The following RALYL variants were observed in gnomAD, a reference collection of about 807,000 sequenced individuals.
RALYL encodes the protein RALY RNA binding protein like, also known as RNA-binding Raly-like protein.
Under a neutral mutation model 35.1 loss-of-function variants are expected in RALYL, and 29 were observed. The ratio of observed to expected loss-of-function variants is 0.83; its 90% CI spans 0.61 to 1.13. The LOEUF is 1.13. Ranked by LOEUF, RALYL falls within the 50% of genes most tolerant of loss-of-function variation. The probability of loss-of-function intolerance (pLI) is 0.00; values close to 1 mark genes in which losing one functional copy is unlikely to be tolerated. For synonymous variants in RALYL, 120 were observed against 127.6 expected (o/e 0.94, Z 0.40); for missense variants, 359 against 360.4 (o/e 1.00, Z 0.03).
chr8:84,799,578 T>G (rs1274456929), intron 3 of RALYL, among the ~76,000 whole-genome samples: 1 of 152,216 alleles, frequency 6.6e-6, no homozygotes, highest in Non-Finnish European at 1.5e-5. Flanking sequence ...AAGGAGTTCA[T>G]GAGAATGATT....
intron 1 of RALYL, among the ~76,000 whole-genome samples, chr8:84,465,290 C>T (rs1400791717): frequency 4.3e-5 from 5 of 115,906 alleles, no homozygotes; most frequent in African/African-American, 1.7e-4. Context: ...ACGTTTAAGT[C>T]TTTAATCCAT....
intron 2 of RALYL, among the ~76,000 whole-genome samples, chr8:84,572,278 A>C (rs983137137): frequency 2.0e-5 from 3 of 151,466 alleles, no homozygotes; most frequent in Non-Finnish European, 4.4e-5. Context: ...TAAATACTGC[A>C]TTTAGGCCTT....
chr8:84,509,282 C>T (rs2057415702), intron 1 of RALYL, among the ~76,000 whole-genome samples: 1 of 151,902 alleles, frequency 6.6e-6, no homozygotes, highest in Non-Finnish European at 1.5e-5. Context: ...AAATGGGGTG[C>T]CTCAAAGAGA....
chr8:84,420,390 GTTGT>G (rs2093672382), intron 1 of RALYL, among the ~76,000 whole-genome samples: 1 of 151,988 alleles, frequency 6.6e-6, no homozygotes, highest in East Asian at 1.9e-4. Flanking sequence ...TTTTGATGGC[GTTGT>G]TTGTTTTTTT....
intron 2 of RALYL, among the ~76,000 whole-genome samples, chr8:84,689,085 TTTA>T (rs990985367): frequency 4.0e-5 from 6 of 151,870 alleles, no homozygotes; most frequent in Non-Finnish European, 7.4e-5. Context: ...TTTTTTTAAA[TTTA>T]TTATTATACT....
At position 84,457,261 on chromosome 8, in the gene RALYL, A is replaced by T. The variant is rs73306375; in HGVS notation, c.-23-72038A>T. 4.1e-3 allele frequency among the ~76,000 whole-genome samples: 617 copies of T among 152,148 alleles called. 5 individuals are homozygous for T. The highest frequency in any genetic ancestry group is 0.014 in the African/African-American group (572 of 41,548). The stretch of plus-strand genomic sequence containing the variant: ...ACCATAACTCATAGAATAGACAAGT[A>T]GTATTACAAGATATCATTTTCATAG... On this transcript the variant is annotated intron_variant, in intron 1 of 8. Coordinates refer to ENST00000521268, the MANE Select transcript of RALYL (RefSeq NM_173848.7).
chr8:84,915,734 G>A (rs1587217025), intron 8 of RALYL, among the ~76,000 whole-genome samples: 2 of 152,162 alleles, frequency 1.3e-5, no homozygotes, highest in South Asian at 4.1e-4. Flanking sequence ...TGCTTCTGGA[G>A]TTACAGTTCT....
intron 7 of RALYL, among the ~76,000 whole-genome samples, chr8:84,880,386 G>A (rs953676234): frequency 1.3e-5 from 2 of 151,988 alleles, no homozygotes; most frequent in African/African-American, 4.8e-5. Context: ...CTCAATCACA[G>A]TCTTTCAAAA....
intron 1 of RALYL, among the ~76,000 whole-genome samples, chr8:84,485,972 T>C (rs1448890698): frequency 1.3e-5 from 2 of 151,548 alleles, no homozygotes; most frequent in Non-Finnish European, 2.9e-5. Flanking sequence ...ATGTAAGTTA[T>C]ATCAGGATGT....
At chr8:84,266,617 A>C (rs1833346387) in intron 1 of RALYL, among the ~76,000 whole-genome samples, 1 of 152,172 alleles carries the variant, frequency 6.6e-6, no homozygotes, top group Non-Finnish European at 1.5e-5. Context: ...CTTTTCCTAG[A>C]CAGAGATTGA....
At chr8:84,783,972 C>A (rs558762115) in intron 3 of RALYL, among the ~76,000 whole-genome samples, 7 of 152,310 alleles carry the variant, frequency 4.6e-5, no homozygotes, top group Admixed American at 1.3e-4. Flanking sequence ...ACTCTGAAAT[C>A]ATTCTGTGTT....
chr8:84,842,261 C>T (rs181422800), intron 4 of RALYL, among the ~76,000 whole-genome samples: 2,249 of 152,012 alleles, frequency 0.015, 39 homozygotes, highest in African/African-American at 0.051. Context: ...ATCAAATAGA[C>T]GCAATAAAAA....
At chr8:84,842,947 A>T (rs1299756584) in intron 4 of RALYL, among the ~76,000 whole-genome samples, 2 of 152,230 alleles carry the variant, frequency 1.3e-5, no homozygotes, top group Non-Finnish European at 2.9e-5. Flanking sequence ...TCAATAAATT[A>T]GGTATTGATA....
chr8:84,869,053 C>T (rs527673878), intron 6 of RALYL, among the ~76,000 whole-genome samples: 33 of 151,856 alleles, frequency 2.2e-4, no homozygotes, highest in Admixed American at 1.3e-3. Context: ...GGGAGCAGAG[C>T]GGAGGCGTTG....
At chr8:84,533,948 T>C (rs2059433223) in intron 2 of RALYL, among the ~76,000 whole-genome samples, 1 of 152,232 alleles carries the variant, frequency 6.6e-6, no homozygotes, top group Admixed American at 6.5e-5. Context: ...GGATTTCAAA[T>C]GTCTTTTCAT....
intron 2 of RALYL, among the ~76,000 whole-genome samples, chr8:84,610,001 G>A (rs367794472): frequency 6.8e-4 from 103 of 152,052 alleles, no homozygotes; most frequent in Non-Finnish European, 1.1e-3. Flanking sequence ...AACAACATAC[G>A]AAAGACCCGC....
chr8:84,538,819 C>CAATA (rs2059797882), intron 2 of RALYL, among the ~76,000 whole-genome samples: 1 of 152,020 alleles, frequency 6.6e-6, no homozygotes, highest in Non-Finnish European at 1.5e-5. Context: ...AAACAACACA[C>CAATA]AATAGGAAGT....
intron 2 of RALYL, among the ~76,000 whole-genome samples, chr8:84,772,084 A>G (rs2133549255): frequency 1.3e-5 from 2 of 152,128 alleles, no homozygotes; most frequent in South Asian, 4.1e-4. Flanking sequence ...CAATCATTCC[A>G]TCATTATTTA....
intron 8 of RALYL, among the ~76,000 whole-genome samples, chr8:84,900,415 G>A (rs1041092395): frequency 3.3e-5 from 5 of 152,076 alleles, no homozygotes; most frequent in East Asian, 1.9e-4. Flanking sequence ...GGTGGCTCAC[G>A]TCTGTAATTC....
Sources: gnomAD v4.1 joint callset for allele counts (sites outside exome capture counted in the v4.1 genomes callset) on GRCh38, gnomAD v4.1.1 for gene constraint, MANE v1.5 for transcripts, NCBI Gene and HGNC (gene_info 2026-07-23, HGNC 2026-07-21) for gene names.